Variants in TMEM135 observed in about 807,000 individuals in gnomAD.
TMEM135 encodes transmembrane protein 135, also known as peroxisomal membrane protein 52.
In TMEM135, 30 loss-of-function variants were observed where a neutral mutation model predicts 60.3. The ratio of observed to expected loss-of-function variants is 0.50; its 90% CI spans 0.37 to 0.68. TMEM135 has a LOEUF of 0.68. TMEM135 is among the 30% of genes least tolerant of loss of function. The probability of loss-of-function intolerance (pLI) is 0.00; values close to 1 mark genes in which losing one functional copy is unlikely to be tolerated. For missense variants in TMEM135, 468 were observed against 548.8 expected, an observed-to-expected ratio of 0.85 and a Z score of 1.47; for synonymous variants, 190 against 186.7, an observed-to-expected ratio of 1.02 and a Z score of -0.14.
Position 87,321,245 on chromosome 11 carries a change from G to C in TMEM135, c.1289G>C (p.Gly430Ala), listed in dbSNP as rs11235097. 0.029 allele frequency: 47,495 copies of C among 1,613,404 alleles called. 1,433 individuals carry two copies. The highest frequency in any genetic ancestry group is 0.17 in the East Asian group (7,447 of 44,836). Residue 430 changes from glycine to alanine, a missense_variant, in exon 15 of 15, where the codon GGT becomes GCT. By Grantham distance (60) the Gly-to-Ala change is moderately conservative. Coordinates refer to ENST00000305494, the MANE Select transcript of TMEM135 (RefSeq NM_022918.4). ...NRKVLDVFGT[G>A]ASKHFQDFIP... ...AAAGTCCTTGATGTTTTTGGTACTG[G>C]TGCATCTAAACACTTTCAGGATTTC...
intron 1 of TMEM135, among the ~76,000 whole-genome samples, chr11:87,052,934 A>T (rs1413051833): frequency 1.1e-5 from 1 of 88,852 alleles, no homozygotes; most frequent in Non-Finnish European, 2.2e-5. Context: ...ACAATGATAG[A>T]CTGGATTAAG....
chr11:87,126,302 C>G (rs1207927268), intron 4 of TMEM135, among the ~76,000 whole-genome samples: 1 of 152,102 alleles, frequency 6.6e-6, no homozygotes, highest in Non-Finnish European at 1.5e-5. Flanking sequence ...GAAGTTCATA[C>G]TATTATGCCT....
intron 4 of TMEM135, among the ~76,000 whole-genome samples, chr11:87,124,478 G>T (rs1345986694): frequency 6.6e-6 from 1 of 152,116 alleles, no homozygotes; most frequent in Non-Finnish European, 1.5e-5. Flanking sequence ...GCAGGGGAAG[G>T]GGGCATGGCT....
At chr11:87,233,338 A>G (rs301581) in intron 5 of TMEM135, among the ~76,000 whole-genome samples, 119,259 of 151,954 alleles carry the variant, frequency 0.78, 47,541 homozygotes, top group Non-Finnish European at 0.83. Flanking sequence ...TTTCTGATAG[A>G]ATAAAAAAGC....
intron 5 of TMEM135, among the ~76,000 whole-genome samples, chr11:87,233,619 A>T (rs1390514596): frequency 2.0e-5 from 3 of 152,160 alleles, no homozygotes; most frequent in African/African-American, 7.2e-5. Context: ...CAATAAAGCT[A>T]TTAAATCATT....
chr11:87,167,231 T>C (rs762478160), intron 5 of TMEM135, among the ~76,000 whole-genome samples: 4 of 152,208 alleles, frequency 2.6e-5, no homozygotes, highest in Non-Finnish European at 4.4e-5. Context: ...TTTCTAAATA[T>C]ACAATTATGT....
rs539975625 is a variant in TMEM135, at chr11:87,147,591, A to C, written c.397-9750A>C. 1.4e-3 allele frequency among the ~76,000 whole-genome samples: 216 copies of C among 152,334 alleles called. 2 individuals are homozygous for C. The highest frequency in any genetic ancestry group is 5.0e-3 in the African/African-American group (208 of 41,570). On this transcript the variant is annotated intron_variant, in intron 4 of 14. Coordinates refer to ENST00000305494, the MANE Select transcript of TMEM135 (RefSeq NM_022918.4). ...TAAAGAAGAAAATCACCCAGAGATT[A>C]CTGCTGTTATCACCTCAGCATACAT... is the stretch of plus-strand genomic sequence containing the variant.
intron 5 of TMEM135, among the ~76,000 whole-genome samples, chr11:87,191,434 A>G (rs140198005): frequency 1.3e-5 from 2 of 151,982 alleles, no homozygotes; most frequent in African/African-American, 4.8e-5. Flanking sequence ...GTAGAGACAG[A>G]GTTTCACAGT....
At chr11:87,163,705 T>C (rs1177797426) in intron 5 of TMEM135, among the ~76,000 whole-genome samples, 1 of 149,690 alleles carries the variant, frequency 6.7e-6, no homozygotes, top group East Asian at 2.0e-4. Context: ...ACCTGTTGTT[T>C]CCTGACTTTT....
rs1393773384 is a variant in TMEM135, at chr11:87,325,211, G to T, written c.*3878G>T. 1 of 453,920 alleles carries T rather than the reference G, an allele frequency of 2.2e-6. No individual in the cohort carries two copies. The highest frequency in any genetic ancestry group is 6.9e-5 in the East Asian group (1 of 14,392). 28.1% of individuals were successfully genotyped at this position (453,920 alleles called of 1,614,324 possible). A position where few individuals can be genotyped will look rare whatever the true frequency, so the allele number is the denominator to read the frequency against. ...TAAAGTAGTGGCCTCAGGTGACTTT[G>T]TAATAGCCCTGTAGTTGCAAAAAGG... On this transcript the variant is annotated 3_prime_UTR_variant, in exon 15 of 15. Transcript: ENST00000305494.
At chr11:87,246,853 G>A (rs531674953) in intron 6 of TMEM135, among the ~76,000 whole-genome samples, 1 of 116,994 alleles carries the variant, frequency 8.5e-6, no homozygotes, top group African/African-American at 3.3e-5. Context: ...CTCTCAACTC[G>A]TCAAAGTCAT....
At chr11:87,249,451 G>A (rs1365031844) in intron 6 of TMEM135, among the ~76,000 whole-genome samples, 1 of 151,928 alleles carries the variant, frequency 6.6e-6, no homozygotes, top group African/African-American at 2.4e-5. Context: ...TGTATTTTTT[G>A]TGTGTATTTC....
rs192678333 is a variant in TMEM135, at chr11:87,099,768, C to T, written c.396+8373C>T. Among the ~76,000 whole-genome samples, 1,098 of 149,178 alleles carry T rather than the reference C, an allele frequency of 7.4e-3. 14 individuals are homozygous for T. The highest frequency in any genetic ancestry group is 0.025 in the African/African-American group (999 of 40,542). ...CGTGATCTTGGCTCACTGCAACCTCCGCCTCCCAGGTTCAAGCGATTCTCC... is the reference window on the plus strand; with the variant it reads ...CGTGATCTTGGCTCACTGCAACCTCTGCCTCCCAGGTTCAAGCGATTCTCC... On this transcript the variant is annotated intron_variant, in intron 4 of 14. Coordinates refer to ENST00000305494, the MANE Select transcript of TMEM135 (RefSeq NM_022918.4).
chr11:87,268,674 A>T (rs1398704879), intron 6 of TMEM135, among the ~76,000 whole-genome samples: 2 of 149,672 alleles, frequency 1.3e-5, no homozygotes, highest in Non-Finnish European at 3.0e-5. Flanking sequence ...CCTATTTGCT[A>T]TTTTTTTTTT....
intron 1 of TMEM135, among the ~76,000 whole-genome samples, chr11:87,059,280 C>A (rs1481964183): frequency 6.6e-6 from 1 of 151,092 alleles, no homozygotes; most frequent in African/African-American, 2.4e-5. Flanking sequence ...GGATGAATAT[C>A]CTACTTTAGT....
At chr11:87,229,259 T>G (rs1009722464) in intron 5 of TMEM135, among the ~76,000 whole-genome samples, 5 of 152,068 alleles carry the variant, frequency 3.3e-5, no homozygotes, top group Non-Finnish European at 5.9e-5. Flanking sequence ...CAAAATGGTT[T>G]CTAAAAGGCC....
chr11:87,073,286 G>A (rs1456996990), intron 3 of TMEM135, among the ~76,000 whole-genome samples: 3 of 152,072 alleles, frequency 2.0e-5, no homozygotes, highest in African/African-American at 7.2e-5. Context: ...GCCCACCTCG[G>A]CCTCCCAAAG....
intron 1 of TMEM135, among the ~76,000 whole-genome samples, chr11:87,066,798 TTG>T: frequency 6.7e-6 from 1 of 150,048 alleles, no homozygotes; most frequent in East Asian, 1.9e-4. Context: ...TTTTTTTTTT[TTG>T]AGACAGAGTC....
intron 1 of TMEM135, among the ~76,000 whole-genome samples, chr11:87,041,826 A>C (rs1226196699): frequency 6.6e-6 from 1 of 152,246 alleles, no homozygotes; most frequent in Non-Finnish European, 1.5e-5. Context: ...ATGAAAGGGC[A>C]GTTCTAGAGG....
Sources: gnomAD v4.1 joint callset for allele counts (sites outside exome capture counted in the v4.1 genomes callset) on GRCh38, gnomAD v4.1.1 for gene constraint, MANE v1.5 for transcripts, NCBI Gene and HGNC (gene_info 2026-07-23, HGNC 2026-07-21) for gene names.